PPA2: variants seen among roughly 807,000 people sequenced by gnomAD.
The protein encoded by PPA2 is inorganic pyrophosphatase 2, mitochondrial.
Under a neutral mutation model 49.5 loss-of-function variants are expected in PPA2, and 48 were observed. The observed-to-expected ratio is 0.97, with a 90% confidence interval of 0.77 to 1.23. The LOEUF is 1.23. Ranked by LOEUF, PPA2 falls within the 50% of genes most tolerant of loss-of-function variation. The pLI, the probability that PPA2 is intolerant of heterozygous loss-of-function variation, is 0.00. For synonymous variants in PPA2, 131 were observed against 139.9 expected (o/e 0.94, Z 0.45); for missense variants, 429 against 410.1 (o/e 1.05, Z -0.40).
intron 4 of PPA2, among the ~76,000 whole-genome samples, chr4:105,447,442 T>C (rs77638662): frequency 6.6e-6 from 1 of 152,348 alleles, no homozygotes; most frequent in East Asian, 1.9e-4. Context: ...ACATGAAGAA[T>C]AAGATGTTTT....
At chr4:105,436,048 C>G (rs1452069825) in intron 6 of PPA2, among the ~76,000 whole-genome samples, 2 of 152,062 alleles carry the variant, frequency 1.3e-5, no homozygotes, top group Non-Finnish European at 2.9e-5. Context: ...GATAGTGTAG[C>G]TAGGAAACCC....
chr4:105,458,999 G>T (rs1269751324), intron 1 of PPA2, among the ~76,000 whole-genome samples: 1 of 151,898 alleles, frequency 6.6e-6, no homozygotes, highest in Non-Finnish European at 1.5e-5. Flanking sequence ...CTTTCTACTG[G>T]ATCTCTAGCA....
intron 1 of PPA2, among the ~76,000 whole-genome samples, chr4:105,464,067 C>A (rs1578888549): frequency 6.6e-6 from 1 of 152,276 alleles, no homozygotes; most frequent in East Asian, 1.9e-4. Context: ...TAGCTTCCAC[C>A]ATGCACCCAG....
chr4:105,386,224 C>A (rs921954548), intron 10 of PPA2, among the ~76,000 whole-genome samples: 2 of 151,816 alleles, frequency 1.3e-5, no homozygotes, highest in Non-Finnish European at 1.5e-5. Flanking sequence ...TAGCCAGTTC[C>A]AATGTAGACA....
chr4:105,430,403 A>G (rs866986127), intron 6 of PPA2, among the ~76,000 whole-genome samples: 1 of 152,230 alleles, frequency 6.6e-6, no homozygotes, highest in African/African-American at 2.4e-5. Context: ...TTTAGCCTCT[A>G]TTAAGTACTC....
chr4:105,375,932 T>TA (rs1157214832), intron 10 of PPA2, among the ~76,000 whole-genome samples: 2 of 152,214 alleles, frequency 1.3e-5, no homozygotes, highest in East Asian at 3.8e-4. Flanking sequence ...ATTTTCTTAT[T>TA]AAAATGCAGA....
intron 7 of PPA2, among the ~76,000 whole-genome samples, chr4:105,418,886 T>G (rs111983308): frequency 7.9e-5 from 12 of 152,342 alleles, no homozygotes; most frequent in African/African-American, 2.9e-4. Context: ...TATCTGAAGC[T>G]GTACATTATA....
intron 6 of PPA2, among the ~76,000 whole-genome samples, chr4:105,425,801 G>C (rs544567529): frequency 6.7e-6 from 1 of 149,234 alleles, no homozygotes; most frequent in South Asian, 2.1e-4. Context: ...CCAAAGTGAA[G>C]CACATCATAA....
chr4:105,411,666 G>C lies in PPA2; in HGVS notation c.656-12502C>G, dbSNP rs573515973. ...AGTCAAATTGTCCCTGTTTGCAGAT[G>C]ACATGATTGTATATTTAGAAAACGC... On this transcript the variant is annotated intron_variant, in intron 7 of 11. Coordinates refer to ENST00000341695, the MANE Select transcript of PPA2 (RefSeq NM_176869.3). Among the ~76,000 whole-genome samples, 31 of 152,308 alleles carry C rather than the reference G, an allele frequency of 2.0e-4. No homozygotes were observed. The South Asian group carries it at 3.1e-3, about 15-fold the overall frequency.
intron 1 of PPA2, among the ~76,000 whole-genome samples, chr4:105,466,863 C>T (rs759039875): frequency 1.3e-5 from 2 of 152,260 alleles, no homozygotes; most frequent in Non-Finnish European, 2.9e-5. Context: ...TGGAGTTGTA[C>T]GCGTGTTCAC....
At chr4:105,397,724 C>T (rs556716574) in intron 8 of PPA2, among the ~76,000 whole-genome samples, 1 of 152,228 alleles carries the variant, frequency 6.6e-6, no homozygotes, top group East Asian at 1.9e-4. Flanking sequence ...CCCACAAGAA[C>T]TGATTGTTAA....
intron 1 of PPA2, 47 bp from the exon 2 acceptor site, chr4:105,456,792 A>T (rs372148363): frequency 6.8e-7 from 1 of 1,469,840 alleles, no homozygotes; most frequent in South Asian, 1.2e-5. Flanking sequence ...AAAGCAATAG[A>T]CACATTGTTC....
intron 10 of PPA2, among the ~76,000 whole-genome samples, chr4:105,381,420 T>C (rs1733483412): frequency 6.6e-6 from 1 of 152,024 alleles, no homozygotes; most frequent in Non-Finnish European, 1.5e-5. Context: ...TCTTGGCCCT[T>C]TACTACTTCA....
intron 6 of PPA2, among the ~76,000 whole-genome samples, chr4:105,428,212 A>G (rs1723618386): frequency 6.6e-6 from 1 of 152,206 alleles, no homozygotes; most frequent in Non-Finnish European, 1.5e-5. Flanking sequence ...AGAAACGTGG[A>G]AAGGAACAAC....
chr4:105,388,836 G>A (rs75399186), intron 9 of PPA2, among the ~76,000 whole-genome samples: 27,679 of 97,566 alleles, frequency 0.28, 3,803 homozygotes, highest in African/African-American at 0.41. Flanking sequence ...AAAAAAAAAA[G>A]AAAAAAAAAA....
At chr4:105,465,921 T>C (rs967267702) in intron 1 of PPA2, among the ~76,000 whole-genome samples, 2 of 152,214 alleles carry the variant, frequency 1.3e-5, no homozygotes, top group Admixed American at 6.5e-5. Context: ...AATGTTGGAC[T>C]TTCTGGATTC....
chr4:105,460,113 C>CA (rs1243602677), intron 1 of PPA2, among the ~76,000 whole-genome samples: 2 of 152,204 alleles, frequency 1.3e-5, no homozygotes, highest in African/African-American at 4.8e-5. Flanking sequence ...AAGACATACA[C>CA]AGTAAGCCCT....
intron 9 of PPA2, among the ~76,000 whole-genome samples, chr4:105,392,526 G>A (rs1304164052): frequency 2.0e-5 from 3 of 151,730 alleles, no homozygotes; most frequent in Admixed American, 1.3e-4. Context: ...TACAAAAATT[G>A]GCCAGGCATG....
At chr4:105,456,074 G>C (rs28712035) in intron 2 of PPA2, 5,210 of 355,464 alleles carry the variant, frequency 0.015, 61 homozygotes, top group Non-Finnish European at 0.021. Context: ...CAGTTCTCCT[G>C]GCATCTTTCA....
Sources: gnomAD v4.1 joint callset for allele counts (sites outside exome capture counted in the v4.1 genomes callset) on GRCh38, gnomAD v4.1.1 for gene constraint, MANE v1.5 for transcripts, NCBI Gene and HGNC (gene_info 2026-07-23, HGNC 2026-07-21) for gene names.